The following SIPA1L3 variants were observed in gnomAD, a reference collection of about 807,000 sequenced individuals.
SIPA1L3 encodes signal induced proliferation associated 1 like 3.
Under a neutral mutation model 150.1 loss-of-function variants are expected in SIPA1L3, and 59 were observed. That is an observed-to-expected ratio of 0.39 (90% confidence interval 0.32 to 0.49). The LOEUF is 0.49. SIPA1L3 is among the 20% of genes least tolerant of loss of function. SIPA1L3 has a pLI of 0.86. For missense variants in SIPA1L3, 2,211 were observed against 2,489.5 expected (o/e 0.89, Z 2.38); for synonymous variants, 1,070 against 1,077.6 (o/e 0.99, Z 0.14).
At chr19:38,055,863 T>G (rs977206742) in intron 2 of SIPA1L3, among the ~76,000 whole-genome samples, 17 of 152,248 alleles carry the variant, frequency 1.1e-4, no homozygotes, top group African/African-American at 3.9e-4. Flanking sequence ...GGAAGGACTT[T>G]GAAATACATC....
intron 1 of SIPA1L3, among the ~76,000 whole-genome samples, chr19:38,020,446 C>T (rs1204130881): frequency 2.6e-5 from 4 of 152,184 alleles, no homozygotes; most frequent in Non-Finnish European, 4.4e-5. Flanking sequence ...GAAAAGCACC[C>T]AACAGTCGAA....
At chr19:37,938,847 T>C (rs575027027) in intron 1 of SIPA1L3, among the ~76,000 whole-genome samples, 1 of 152,264 alleles carries the variant, frequency 6.6e-6, no homozygotes, top group African/African-American at 2.4e-5. Context: ...GGTCTCAAAC[T>C]CCTGAGCTCA....
chr19:37,955,127 C>T (rs1187251695), intron 1 of SIPA1L3, among the ~76,000 whole-genome samples: 3 of 147,524 alleles, frequency 2.0e-5, no homozygotes, highest in Non-Finnish European at 4.4e-5. Context: ...CATGGTGGCT[C>T]ACACCTGTAA....
At chr19:38,071,894 G>A (rs1222545562) in intron 2 of SIPA1L3, among the ~76,000 whole-genome samples, 1 of 152,228 alleles carries the variant, frequency 6.6e-6, no homozygotes, top group Non-Finnish European at 1.5e-5. Flanking sequence ...TGGATGGGGA[G>A]TGATCAAGAG....
At position 38,082,062 on chromosome 19, in the gene SIPA1L3, T is replaced by G. The variant is rs1377770958; in HGVS notation, c.497T>G (p.Leu166Arg). The G allele has an allele frequency of 1.2e-6, 2 of 1,613,294 alleles. No homozygotes were observed. The highest frequency in any genetic ancestry group is 8.5e-7 in the Non-Finnish European group (1 of 1,179,946). The change falls in exon 3 of 22, where the codon CTT becomes CGT. Residue 166 changes from leucine (L) to arginine (R), a missense_variant. Around this residue, in one of 5 missense-constraint regions of SIPA1L3, gnomAD observed 587 missense variants for 534.5 expected, o/e 1.10. Coordinates refer to ENST00000222345, the MANE Select transcript of SIPA1L3 (RefSeq NM_015073.3). ...TCCCCCGGCAGGGCCTTCCTCCCCCTTCGGCACCGCAGCAGCAGCGAGATC... is the reference window on the plus strand; with the variant it reads ...TCCCCCGGCAGGGCCTTCCTCCCCCGTCGGCACCGCAGCAGCAGCGAGATC... ...PRSPGRAFLP[L>R]RHRSSSEITL...
chr19:38,028,692 CTTT>C (rs568012391), intron 1 of SIPA1L3, among the ~76,000 whole-genome samples: 4 of 135,984 alleles, frequency 2.9e-5, no homozygotes, highest in Admixed American at 7.4e-5. Flanking sequence ...TCAGTAAATA[CTTT>C]TTTTTTTTTT....
At chr19:38,095,016 A>G (rs958709566) in intron 4 of SIPA1L3, among the ~76,000 whole-genome samples, 1 of 152,226 alleles carries the variant, frequency 6.6e-6, no homozygotes, top group African/African-American at 2.4e-5. Flanking sequence ...CAGAGGTTGC[A>G]GTGAGCCAAA....
intron 1 of SIPA1L3, among the ~76,000 whole-genome samples, chr19:37,965,656 C>G (rs979228122): frequency 1.3e-5 from 2 of 152,046 alleles, no homozygotes; most frequent in African/African-American, 4.8e-5. Flanking sequence ...TTCTTTGTAA[C>G]TTTTTGTCAT....
intron 3 of SIPA1L3, among the ~76,000 whole-genome samples, chr19:38,087,239 T>C (rs1017512968): frequency 6.6e-6 from 1 of 152,328 alleles, no homozygotes; most frequent in Admixed American, 6.5e-5. Flanking sequence ...CGCAAGGAGC[T>C]AGATATGCAT....
At chr19:37,970,143 C>T (rs1334048383) in intron 1 of SIPA1L3, among the ~76,000 whole-genome samples, 2 of 152,186 alleles carry the variant, frequency 1.3e-5, no homozygotes, top group Non-Finnish European at 2.9e-5. Flanking sequence ...GAGCAGGGAA[C>T]AAAGTCTGGC....
intron 15 of SIPA1L3, 118 bp downstream of exon 15, chr19:38,165,024 G>C: frequency 1.0e-6 from 1 of 989,254 alleles, no homozygotes; most frequent in Non-Finnish European, 1.4e-6. Flanking sequence ...AATGCGCCTA[G>C]TCATTGGTTT....
In SIPA1L3 at chr19:38,130,770, G is replaced by A. The variant is rs1971290615; in HGVS notation, c.3141G>A (p.Arg1047=). 6.2e-7 allele frequency: 1 copy of A among 1,600,036 alleles called. No homozygotes were observed. The highest frequency in any genetic ancestry group is 8.5e-7 in the Non-Finnish European group (1 of 1,170,022). ...IIPPFEDGTP[R]RGWPETYDMN... ...CGCCTTTTGAGGACGGCACTCCCCG[G>A]AGGTAAGGGCCTCCACCTTTCAGCC... is the stretch of plus-strand genomic sequence containing the variant. The change falls in exon 10 of 22, where the codon CGG becomes CGA. Residue 1047 remains arginine, a splice_region_variant and synonymous_variant. Coordinates refer to ENST00000222345, the MANE Select transcript of SIPA1L3 (RefSeq NM_015073.3).
intron 2 of SIPA1L3, among the ~76,000 whole-genome samples, chr19:38,033,145 C>T (rs1968690531): frequency 6.6e-6 from 1 of 152,218 alleles, no homozygotes; most frequent in African/African-American, 2.4e-5. Flanking sequence ...AGGGGCAGCC[C>T]TGCTCAGCTG....
At chr19:38,091,237 T>A (rs1479809049) in intron 4 of SIPA1L3, among the ~76,000 whole-genome samples, 8 of 151,742 alleles carry the variant, frequency 5.3e-5, no homozygotes, top group Non-Finnish European at 8.8e-5. Flanking sequence ...AACACAAAAA[T>A]TAGCTGGGTA....
At chr19:38,150,275 T>G (rs953710231) in intron 12 of SIPA1L3, among the ~76,000 whole-genome samples, 12 of 152,096 alleles carry the variant, frequency 7.9e-5, no homozygotes, top group Non-Finnish European at 1.2e-4. Context: ...TGAGTGGAGT[T>G]GAGTTTTCAG....
At chr19:38,078,528 GCACA>G (rs1969903984) in intron 2 of SIPA1L3, among the ~76,000 whole-genome samples, 1 of 127,824 alleles carries the variant, frequency 7.8e-6, no homozygotes, top group Admixed American at 7.6e-5. Flanking sequence ...ACACACAGAC[GCACA>G]CAGACACGCA....
chr19:38,186,962 G>A (rs1181632937), intron 16 of SIPA1L3, among the ~76,000 whole-genome samples: 8 of 147,196 alleles, frequency 5.4e-5, no homozygotes, highest in Non-Finnish European at 8.9e-5. Context: ...AGCCAAGATC[G>A]TGCCATTACA....
intron 1 of SIPA1L3, among the ~76,000 whole-genome samples, chr19:37,965,025 G>T (rs2046890759): frequency 6.6e-6 from 1 of 152,142 alleles, no homozygotes; most frequent in Non-Finnish European, 1.5e-5. Flanking sequence ...AAATGCATTA[G>T]CATGAAAGTA....
At chr19:37,984,386 A>G (rs1403369605) in intron 1 of SIPA1L3, among the ~76,000 whole-genome samples, 1 of 152,164 alleles carries the variant, frequency 6.6e-6, no homozygotes, top group Non-Finnish European at 1.5e-5. Flanking sequence ...GCAATATTAG[A>G]ACTAATGCTA....
Sources: gnomAD v4.1 joint callset for allele counts (sites outside exome capture counted in the v4.1 genomes callset) on GRCh38, gnomAD v4.1.1 for gene constraint, gnomAD v4.1.1 regional missense constraint, MANE v1.5 for transcripts, NCBI Gene and HGNC (gene_info 2026-07-23, HGNC 2026-07-21) for gene names.